KIAA1217: variants seen among roughly 807,000 people sequenced by gnomAD.
KIAA1217 encodes the protein sickle tail protein homolog.
Under a neutral mutation model 163.9 loss-of-function variants are expected in KIAA1217, and 88 were observed. That is an observed-to-expected ratio of 0.54 (90% CI 0.45 to 0.64). The LOEUF (loss-of-function observed/expected upper bound fraction) is 0.64. Ranked by LOEUF, KIAA1217 falls within the 30% of genes least tolerant of loss-of-function variation. The pLI, the probability that KIAA1217 is intolerant of heterozygous loss-of-function variation, is 0.00. For synonymous variants in KIAA1217, 903 were observed against 923.1 expected, an observed-to-expected ratio of 0.98 and a Z score of 0.39; for missense variants, 2,372 against 2,475.0, an observed-to-expected ratio of 0.96 and a Z score of 0.88.
chr10:24,177,247 C>T (rs2065937392), intron 2 of KIAA1217, among the ~76,000 whole-genome samples: 1 of 102,086 alleles, frequency 9.8e-6, no homozygotes, highest in Non-Finnish European at 1.8e-5. Flanking sequence ...CACGTTTTCA[C>T]CTCTCACCAT....
At chr10:24,348,727 T>A (rs1396806819) in intron 2 of KIAA1217, among the ~76,000 whole-genome samples, 1 of 152,050 alleles carries the variant, frequency 6.6e-6, no homozygotes, top group East Asian at 1.9e-4. Flanking sequence ...CAGGCTAAAT[T>A]TTCACACCCA....
intron 2 of KIAA1217, among the ~76,000 whole-genome samples, chr10:24,054,900 G>A (rs1325425955): frequency 6.6e-6 from 1 of 152,096 alleles, no homozygotes; most frequent in Non-Finnish European, 1.5e-5. Context: ...AATCTAATGG[G>A]ACTCCTGTTG....
At chr10:23,854,170 T>C (rs915315720) in intron 1 of KIAA1217, among the ~76,000 whole-genome samples, 1 of 152,214 alleles carries the variant, frequency 6.6e-6, no homozygotes, top group African/African-American at 2.4e-5. Flanking sequence ...AGTTTCCCTC[T>C]ACATGCTGCT....
chr10:24,474,118 A>G, intron 6 of KIAA1217, 58 bp downstream of exon 6: 1 of 1,304,496 alleles, frequency 7.7e-7, no homozygotes, highest in Non-Finnish European at 1.1e-6. Flanking sequence ...CACTGTGGGC[A>G]GCTCTACAGG....
At chr10:24,104,824 A>G (rs953289072) in intron 2 of KIAA1217, among the ~76,000 whole-genome samples, 5 of 152,162 alleles carry the variant, frequency 3.3e-5, no homozygotes, top group African/African-American at 4.8e-5. Context: ...CTACTCTAAA[A>G]AGTAAAGTGT....
Position 24,219,258 on chromosome 10 carries a change from C to T in KIAA1217, c.71-368C>T, listed in dbSNP as rs115278031. On this transcript the variant is annotated intron_variant, in intron 1 of 20. Coordinates refer to ENST00000376454, the MANE Select transcript of KIAA1217 (RefSeq NM_019590.5). ...CCTCCCGAGAAGCTGGGACCACAGG[C>T]GTGCACCACTACGCCTGGCTAATTT... Among the ~76,000 whole-genome samples the T allele has an allele frequency of 7.3e-3, 1,107 of 152,144 alleles. 14 individuals carry two copies. Among genetic ancestry groups the T allele is most frequent in the African/African-American group, 0.025 (1,048 of 41,524 alleles).
Position 23,731,719 on chromosome 10 carries a change from T to C in KIAA1217, c.-321+36485T>C, listed in dbSNP as rs145173299. Among the ~76,000 whole-genome samples the C allele has an allele frequency of 8.6e-3, 1,275 of 148,478 alleles. 10 individuals carry two copies. Among genetic ancestry groups the C allele is most frequent in the South Asian group, 0.03 (140 of 4,726 alleles). On this transcript the variant is annotated intron_variant, in intron 1 of 18. Coordinates refer to the KIAA1217 transcript ENST00000376462. ...GCTTCGAGTTTCTCACCATTAAGTA[T>C]AAGGTTAGCTGTAGGGGATTTTTTT...
intron 3 of KIAA1217, among the ~76,000 whole-genome samples, chr10:24,419,154 C>T (rs1166288785): frequency 1.6e-5 from 2 of 128,058 alleles, no homozygotes; most frequent in East Asian, 4.5e-4. Context: ...TGGGTGGCAA[C>T]AGAGCAAGAC....
At chr10:23,933,842 C>T (rs1843359184) in intron 1 of KIAA1217, among the ~76,000 whole-genome samples, 1 of 152,136 alleles carries the variant, frequency 6.6e-6, no homozygotes, top group Non-Finnish European at 1.5e-5. Flanking sequence ...AGTGAGATAC[C>T]ATCTCATGCC....
chr10:24,438,529 C>A (rs372041479), intron 5 of KIAA1217, 50 bp downstream of exon 5: 16 of 1,251,948 alleles, frequency 1.3e-5, no homozygotes, highest in Non-Finnish European at 1.9e-5. Flanking sequence ...TCAAAGCGTC[C>A]CTCCTCTTGC....
intron 10 of KIAA1217, among the ~76,000 whole-genome samples, chr10:24,513,768 C>T (rs574111219): frequency 2.2e-5 from 3 of 139,174 alleles, no homozygotes; most frequent in Non-Finnish European, 4.6e-5. Flanking sequence ...CTGGGTAACA[C>T]AGGGAGATCC....
At chr10:24,153,956 AT>A (rs879613743) in intron 2 of KIAA1217, among the ~76,000 whole-genome samples, 2,224 of 148,950 alleles carry the variant, frequency 0.015, 23 homozygotes, top group Middle Eastern at 0.058. Context: ...TCTACAAAAA[AT>A]ATTTTTTTTT....
At chr10:23,912,480 C>G (rs1254162340) in intron 1 of KIAA1217, among the ~76,000 whole-genome samples, 2 of 152,032 alleles carry the variant, frequency 1.3e-5, no homozygotes, top group Non-Finnish European at 2.9e-5. Context: ...AACCCTCACC[C>G]CTCTCCTACT....
intron 2 of KIAA1217, among the ~76,000 whole-genome samples, chr10:24,134,870 C>G (rs2063778116): frequency 6.6e-6 from 1 of 152,138 alleles, no homozygotes; most frequent in African/African-American, 2.4e-5. Context: ...AGCTACCACG[C>G]CCAGCTGAGG....
upstream of KIAA1217, among the ~76,000 whole-genome samples, chr10:24,207,916 T>G (rs918844697): frequency 2.0e-5 from 3 of 152,196 alleles, no homozygotes. Context: ...CACACATTCT[T>G]GATCTAAATC....
chr10:24,307,616 A>G (rs1404897636), intron 2 of KIAA1217, among the ~76,000 whole-genome samples: 1 of 151,642 alleles, frequency 6.6e-6, no homozygotes, highest in Non-Finnish European at 1.5e-5. Flanking sequence ...TCTCTCCAAA[A>G]AAAAAAAAAA....
chr10:23,845,507 A>G (rs762629936), intron 1 of KIAA1217, among the ~76,000 whole-genome samples: 31 of 152,284 alleles, frequency 2.0e-4, no homozygotes, highest in Middle Eastern at 3.4e-3. Context: ...ACATTTTTTC[A>G]TAAGTTTGTT....
intron 1 of KIAA1217, among the ~76,000 whole-genome samples, chr10:23,915,931 G>C (rs1242588829): frequency 6.6e-6 from 1 of 152,168 alleles, no homozygotes; most frequent in Non-Finnish European, 1.5e-5. Flanking sequence ...CAAGATTTAG[G>C]AGGTGGAAAT....
intron 1 of KIAA1217, among the ~76,000 whole-genome samples, chr10:23,783,942 ATCTT>A (rs1463323589): frequency 1.3e-5 from 2 of 151,148 alleles, no homozygotes; most frequent in South Asian, 2.1e-4. Context: ...ATTTATTTGA[ATCTT>A]TCTTTTTTCT....
Sources: allele counts gnomAD v4.1 joint callset (sites outside exome capture counted in the v4.1 genomes callset), GRCh38; gene constraint gnomAD v4.1.1; transcripts MANE v1.5; gene names NCBI Gene and HGNC (gene_info 2026-07-23, HGNC 2026-07-21).